The following RBM25 variants were observed in gnomAD, a reference collection of about 807,000 sequenced individuals.
RBM25 encodes RNA-binding protein 25.
Under a neutral mutation model 120.7 loss-of-function variants are expected in RBM25, and 19 were observed. That is an observed-to-expected ratio of 0.16 (90% CI 0.11 to 0.23). The LOEUF is 0.23. Among genes scored for constraint, RBM25 ranks in the 10% least tolerant of loss-of-function variants. The probability of loss-of-function intolerance (pLI) is 1.00; values close to 1 mark genes in which losing one functional copy is unlikely to be tolerated. For missense variants in RBM25, 605 were observed against 1,041.5 expected, an observed-to-expected ratio of 0.58 and a Z score of 5.77; for synonymous variants, 390 against 326.7, an observed-to-expected ratio of 1.19 and a Z score of -2.09.
At chr14:73,068,496 C>A in intron 1 of RBM25, 1 of 895,662 alleles carries the variant, frequency 1.1e-6, no homozygotes, top group Non-Finnish European at 1.8e-6. Flanking sequence ...GTCAGTGTGC[C>A]GCATGTTGTA....
Position 73,119,907 on chromosome 14 carries a change from T to G in RBM25, c.*102T>G. 1 of 1,407,236 alleles carries G rather than the reference T, an allele frequency of 7.1e-7. No individual in the cohort carries two copies. The allele number at this position is 1,407,236 out of a possible 1,614,324, so 87.2% of individuals were successfully genotyped here. ...TTGAAGACATTGTGAGATCTGTAAT[T>G]TTTTTTTTTTGTAGAAAATGTGAAT... is the stretch of plus-strand genomic sequence containing the variant. On this transcript the variant is annotated 3_prime_UTR_variant, in exon 19 of 19. Coordinates refer to ENST00000261973, the MANE Select transcript of RBM25 (RefSeq NM_021239.3).
In RBM25 at chr14:73,101,516, A is replaced by G. The variant is rs1010645081; in HGVS notation, c.868-1676A>G. On this transcript the variant is annotated intron_variant, in intron 9 of 18. Coordinates refer to ENST00000261973, the MANE Select transcript of RBM25 (RefSeq NM_021239.3). ...CCTGTATTTGTATACATGTGTGTAT[A>G]TATATATATATATATATCTCATATA... 17 of 149,796 alleles carry G rather than the reference A, an allele frequency of 1.1e-4. No individual in the cohort carries two copies. In the East Asian group the frequency reaches 1.4e-3, roughly 12 times the overall value. 9.3% of individuals were successfully genotyped at this position (149,796 alleles called of 1,614,324 possible).
At chr14:73,102,394 T>C (rs1202291176) in intron 9 of RBM25, 1 of 152,256 alleles carries the variant, frequency 6.6e-6, no homozygotes, top group Non-Finnish European at 1.5e-5. Context: ...TAATCCAGTG[T>C]TGGCGATCCA....
chr14:73,103,901 G>C (rs1163580640), intron 10 of RBM25, among the ~76,000 whole-genome samples: 2 of 71,558 alleles, frequency 2.8e-5, no homozygotes, highest in Non-Finnish European at 2.7e-5. Flanking sequence ...CTGTCTGTCT[G>C]TCTGTCTCTC....
At chr14:73,098,338 C>G (rs1223058320) in intron 7 of RBM25, among the ~76,000 whole-genome samples, 2 of 152,104 alleles carry the variant, frequency 1.3e-5, no homozygotes, top group Non-Finnish European at 2.9e-5. Context: ...CCATGTTGCC[C>G]AAGCTGGTGT....
chr14:73,121,418 G>T lies in RBM25; in HGVS notation c.*1613G>T, dbSNP rs1283867801. The stretch of plus-strand genomic sequence containing the variant: ...TAAAAATATGGGCTGAACTTTTTAT[G>T]GACTTGATTTTTATGACTATTGGTA... On this transcript the variant is annotated 3_prime_UTR_variant, in exon 19 of 19. Coordinates refer to ENST00000261973, the MANE Select transcript of RBM25 (RefSeq NM_021239.3). 1 of 152,420 alleles carries T rather than the reference G, an allele frequency of 6.6e-6. No individual in the cohort carries two copies. The allele number at this position is 152,420 out of a possible 1,614,324, so 9.4% of individuals were successfully genotyped here.
chr14:73,098,885 G>A (rs1011415978), intron 7 of RBM25, among the ~76,000 whole-genome samples: 2 of 152,134 alleles, frequency 1.3e-5, no homozygotes, highest in Admixed American at 6.6e-5. Context: ...CTCGTGATCC[G>A]CGTGAGCCAC....
Position 73,119,955 on chromosome 14 carries a change from T to G in RBM25, c.*150T>G. The G allele has an allele frequency of 8.5e-7, 1 of 1,182,300 alleles. No individual in the cohort carries two copies. Among genetic ancestry groups the G allele is most frequent in the South Asian group, 1.7e-5 (1 of 59,758 alleles). The allele number at this position is 1,182,300 out of a possible 1,614,324, so 73.2% of individuals were successfully genotyped here. A position where few individuals can be genotyped will look rare whatever the true frequency, so the allele number is the denominator to read the frequency against. ...AATTTTTTGGTCCTCTAATTTGTTG[T>G]TGCCCTGTGTACTCCCTTGGTTGTA... On this transcript the variant is annotated 3_prime_UTR_variant, in exon 19 of 19. Coordinates refer to ENST00000261973, the MANE Select transcript of RBM25 (RefSeq NM_021239.3).
intron 17 of RBM25, among the ~76,000 whole-genome samples, chr14:73,113,665 C>T (rs189990276): frequency 6.6e-6 from 1 of 151,820 alleles, no homozygotes; most frequent in Admixed American, 6.5e-5. Flanking sequence ...CACTCCAAGC[C>T]TGTGTGACAA....
intron 16 of RBM25, 92 bp from the exon 17 acceptor site, chr14:73,112,057 CATT>C (rs1896320559): frequency 5.0e-6 from 6 of 1,211,034 alleles, no homozygotes; most frequent in South Asian, 2.7e-5. Flanking sequence ...TGTGAAATAA[CATT>C]ATATTTTAGT....
At chr14:73,074,297 G>A in intron 2 of RBM25, among the ~76,000 whole-genome samples, 1 of 152,106 alleles carries the variant, frequency 6.6e-6, no homozygotes, top group East Asian at 1.9e-4. Flanking sequence ...ATAACTTAAT[G>A]TGGCCTCTAT....
intron 4 of RBM25, among the ~76,000 whole-genome samples, chr14:73,078,258 G>A (rs753088704): frequency 9.9e-5 from 15 of 151,618 alleles, no homozygotes; most frequent in African/African-American, 1.5e-4. Flanking sequence ...AGCTGAGGTC[G>A]CGCTACTGCA....
intron 6 of RBM25, 154 bp downstream of exon 6, chr14:73,088,315 T>C (rs1895736477): frequency 5.0e-6 from 5 of 1,004,220 alleles, no homozygotes; most frequent in South Asian, 2.7e-5. Flanking sequence ...TTTGTAGTTA[T>C]TTTAAGTCTT....
intron 6 of RBM25, among the ~76,000 whole-genome samples, chr14:73,091,077 G>GTGTT (rs1895803559): frequency 6.6e-6 from 1 of 152,132 alleles, no homozygotes; most frequent in Admixed American, 6.5e-5. Flanking sequence ...CTGTTTTCTT[G>GTGTT]TGTTTAATCT....
Position 73,096,852 on chromosome 14 carries a change from G to A in RBM25, c.544-63G>A, listed in dbSNP as rs1594922288. The A allele has an allele frequency of 7.2e-6, 10 of 1,392,020 alleles. No homozygotes were observed. The East Asian group carries it at 1.4e-4, about 19-fold the overall frequency. The allele number at this position is 1,392,020 out of a possible 1,614,324, so 86.2% of individuals were successfully genotyped here. On this transcript the variant is annotated intron_variant, in intron 6 of 18. Coordinates refer to ENST00000261973, the MANE Select transcript of RBM25 (RefSeq NM_021239.3). ...ACATGTATGTTTATTAACTCTTGTT[G>A]TAGAGTGATTTTGATTTTCTTGCTT...
chr14:73,090,872 C>T (rs1436769430), intron 6 of RBM25, among the ~76,000 whole-genome samples: 3 of 152,098 alleles, frequency 2.0e-5, no homozygotes, highest in Non-Finnish European at 4.4e-5. Flanking sequence ...CTATCCTCAC[C>T]CTGCTTCATA....
Position 73,103,178 on chromosome 14 carries a change from T to C in RBM25, c.868-14T>C, listed in dbSNP as rs1566596818. On this transcript the variant is annotated splice_polypyrimidine_tract_variant and intron_variant, in intron 9 of 18. Coordinates refer to ENST00000261973, the MANE Select transcript of RBM25 (RefSeq NM_021239.3). Reference sequence around the variant, plus strand: ...TACAGAGTTAACTCTAAAAGTGCTTTTATTGGTTTCTAGAAACTGGAAGAA... The same window carrying C: ...TACAGAGTTAACTCTAAAAGTGCTTCTATTGGTTTCTAGAAACTGGAAGAA... 6.2e-7 allele frequency: 1 copy of C among 1,603,142 alleles called. No homozygotes were observed. Among genetic ancestry groups the C allele is most frequent in the Non-Finnish European group, 8.5e-7 (1 of 1,177,184 alleles).
At position 73,099,653 on chromosome 14, in the gene RBM25, C is replaced by T. The variant is rs1896020339; in HGVS notation, c.784-14C>T. ...GTTCTTTATTCATTCCCTCCTGTGC[C>T]CGTTTTCTTTTAGGAGGATATAAAT... is the stretch of plus-strand genomic sequence containing the variant. On this transcript the variant is annotated splice_polypyrimidine_tract_variant and intron_variant, in intron 8 of 18. Coordinates refer to ENST00000261973, the MANE Select transcript of RBM25 (RefSeq NM_021239.3). 1.3e-6 allele frequency: 2 copies of T among 1,591,338 alleles called. No homozygotes were observed. Among genetic ancestry groups the T allele is most frequent in the South Asian group, 1.2e-5 (1 of 86,246 alleles).
At chr14:73,071,517 A>G (rs1369049127) in intron 1 of RBM25, 110 bp from the exon 2 acceptor site, 4 of 746,798 alleles carry the variant, frequency 5.4e-6, no homozygotes, top group Admixed American at 2.7e-5. Flanking sequence ...TCTTTGGGTA[A>G]GAAAAGTTCA....
Sources: allele counts gnomAD v4.1 joint callset (sites outside exome capture counted in the v4.1 genomes callset), GRCh38; gene constraint gnomAD v4.1.1; transcripts MANE v1.5; gene names NCBI Gene and HGNC (gene_info 2026-07-23, HGNC 2026-07-21).